Variants in ARID5B observed in about 807,000 individuals in gnomAD.
The protein encoded by ARID5B is AT-rich interaction domain 5B, also known as AT-rich interactive domain-containing protein 5B.
Under a neutral mutation model 97.2 loss-of-function variants are expected in ARID5B, and 13 were observed. The ratio of observed to expected loss-of-function variants is 0.13; its 90% CI spans 0.09 to 0.21. The LOEUF is 0.21. Among genes scored for constraint, ARID5B ranks in the 10% least tolerant of loss-of-function variants. The pLI is 1.00. For synonymous variants in ARID5B, 556 were observed against 570.3 expected (o/e 0.97, Z 0.36); for missense variants, 1,210 against 1,465.3 (o/e 0.83, Z 2.84).
intron 3 of ARID5B, among the ~76,000 whole-genome samples, chr10:61,971,110 C>G (rs928891850): frequency 2.0e-5 from 3 of 152,146 alleles, no homozygotes. Context: ...TGCCTTTTGG[C>G]TGGAATTTTT....
chr10:62,063,506 G>T (rs1387404180), intron 7 of ARID5B, among the ~76,000 whole-genome samples: 1 of 146,998 alleles, frequency 6.8e-6, no homozygotes, highest in East Asian at 2.0e-4. Flanking sequence ...CCATCAAATT[G>T]AATTAAAAAA....
chr10:62,033,943 C>T (rs1361083439), intron 4 of ARID5B, among the ~76,000 whole-genome samples: 1 of 152,180 alleles, frequency 6.6e-6, no homozygotes, highest in Non-Finnish European at 1.5e-5. Flanking sequence ...GCCCTCTCTA[C>T]TTTCTTATGA....
chr10:61,920,317 A>G (rs1246349333), intron 2 of ARID5B, among the ~76,000 whole-genome samples: 1 of 147,952 alleles, frequency 6.8e-6, no homozygotes, highest in Admixed American at 6.8e-5. Context: ...GGTCTTTAAA[A>G]GATGAATCTT....
chr10:62,026,167 A>G (rs1839418568), intron 4 of ARID5B, among the ~76,000 whole-genome samples: 1 of 152,240 alleles, frequency 6.6e-6, no homozygotes, highest in Non-Finnish European at 1.5e-5. Context: ...CCTTGTTGCA[A>G]GAAACACAAC....
intron 4 of ARID5B, among the ~76,000 whole-genome samples, chr10:62,039,975 T>A (rs1371099568): frequency 2.6e-5 from 4 of 152,222 alleles, no homozygotes; most frequent in African/African-American, 9.7e-5. Flanking sequence ...GATTAAGAAG[T>A]GTCTACTTCC....
intron 3 of ARID5B, among the ~76,000 whole-genome samples, chr10:61,988,648 C>G (rs184693142): frequency 1.8e-4 from 27 of 152,254 alleles, no homozygotes; most frequent in South Asian, 6.2e-4. Flanking sequence ...CATCTTATCT[C>G]AAGATAGTTG....
intron 4 of ARID5B, chr10:62,024,820 G>T: frequency 2.7e-6 from 1 of 375,164 alleles, no homozygotes; most frequent in Non-Finnish European, 4.8e-6. Context: ...TATTCTTTTC[G>T]GGTTCTGAAA....
chr10:61,949,506 A>C (rs1000054674), intron 3 of ARID5B, among the ~76,000 whole-genome samples: 1 of 152,122 alleles, frequency 6.6e-6, no homozygotes, highest in African/African-American at 2.4e-5. Flanking sequence ...GTATGGTAGC[A>C]CACATCCATA....
chr10:62,095,102 AATAT>A lies in ARID5B; in HGVS notation c.*2085_*2088del. The A allele has an allele frequency of 8.1e-5, 18 of 222,230 alleles. No homozygotes were observed. Among genetic ancestry groups the A allele is most frequent in the Non-Finnish European group, 1.2e-4 (13 of 111,792 alleles). The allele number at this position is 222,230 out of a possible 1,614,324, so 13.8% of individuals were successfully genotyped here. On this transcript the variant is annotated 3_prime_UTR_variant, in exon 10 of 10. Transcript: ENST00000279873. Reference sequence around the variant, plus strand: ...TTAATTATTTACCTTCCTGTGGAATAATATATATATATATATTTAATAGAACCAT... The same window carrying A: ...TTAATTATTTACCTTCCTGTGGAATAATATATATATATTTAATAGAACCAT...
intron 2 of ARID5B, among the ~76,000 whole-genome samples, chr10:61,906,556 G>T (rs891120720): frequency 1.3e-5 from 2 of 152,184 alleles, no homozygotes; most frequent in African/African-American, 4.8e-5. Context: ...AAGGTTTGCT[G>T]GTCACCTCCA....
At chr10:61,924,579 G>C (rs1467334336) in intron 2 of ARID5B, among the ~76,000 whole-genome samples, 2 of 152,304 alleles carry the variant, frequency 1.3e-5, no homozygotes, top group Middle Eastern at 3.4e-3. Context: ...ACTGTGCTAA[G>C]TGAACAGAGT....
chr10:62,066,377 T>G (rs762506646), intron 7 of ARID5B, among the ~76,000 whole-genome samples: 1 of 152,212 alleles, frequency 6.6e-6, no homozygotes, highest in Non-Finnish European at 1.5e-5. Flanking sequence ...TTAACAGTTG[T>G]GAAGGGCACA....
intron 4 of ARID5B, among the ~76,000 whole-genome samples, chr10:62,032,762 T>C (rs1169032476): frequency 6.6e-6 from 1 of 152,142 alleles, no homozygotes; most frequent in Non-Finnish European, 1.5e-5. Context: ...GAATATTGGA[T>C]GTTAGAAACA....
rs1211638854 is a variant in ARID5B at position 62,096,854 on chromosome 10, C to T, written c.*3824C>T. On this transcript the variant is annotated 3_prime_UTR_variant, in exon 10 of 10. Transcript: ENST00000279873. ...ACTGCTTTTGATACTGTATTACGTG[C>T]CAATAGTTTCCCAATCACATAGCAG... 8.6e-6 allele frequency: 2 copies of T among 233,352 alleles called. No individual in the cohort carries two copies. Among genetic ancestry groups the T allele is most frequent in the African/African-American group, 4.4e-5 (2 of 45,308 alleles). The allele number at this position is 233,352 out of a possible 1,614,324, so 14.5% of individuals were successfully genotyped here.
At chr10:62,060,447 T>C (rs1839907879) in intron 7 of ARID5B, among the ~76,000 whole-genome samples, 1 of 152,222 alleles carries the variant, frequency 6.6e-6, no homozygotes. Flanking sequence ...TAAAGAAATA[T>C]AGTCACATGG....
intron 2 of ARID5B, among the ~76,000 whole-genome samples, chr10:61,906,527 A>G (rs1843711003): frequency 6.6e-6 from 1 of 152,232 alleles, no homozygotes; most frequent in Non-Finnish European, 1.5e-5. Context: ...CTGACCAGCC[A>G]TCGCTGGGAT....
intron 2 of ARID5B, among the ~76,000 whole-genome samples, chr10:61,927,827 C>T (rs1268157871): frequency 6.6e-6 from 1 of 152,078 alleles, no homozygotes; most frequent in Non-Finnish European, 1.5e-5. Context: ...ATTATAATAC[C>T]GCATGAAAGA....
chr10:61,921,573 T>C (rs1013648748), intron 2 of ARID5B, among the ~76,000 whole-genome samples: 3 of 152,168 alleles, frequency 2.0e-5, no homozygotes, highest in Non-Finnish European at 4.4e-5. Context: ...CAAGCCATAG[T>C]CCTTTTATAA....
intron 2 of ARID5B, among the ~76,000 whole-genome samples, chr10:61,906,698 A>G (rs1012385500): frequency 1.3e-5 from 2 of 152,220 alleles, no homozygotes; most frequent in South Asian, 4.1e-4. Flanking sequence ...CTACTGAATT[A>G]AAAAATGCTA....
Sources: allele counts gnomAD v4.1 joint callset (sites outside exome capture counted in the v4.1 genomes callset), GRCh38; gene constraint gnomAD v4.1.1; transcripts MANE v1.5; gene names NCBI Gene and HGNC (gene_info 2026-07-23, HGNC 2026-07-21).